SHLD1: variants seen among roughly 807,000 people sequenced by gnomAD.
SHLD1 encodes the protein shieldin complex subunit 1.
SHLD1 carries 3 observed loss-of-function variants against 5.5 expected under a neutral mutation model. The observed-to-expected ratio is 0.54, with a 90% CI of 0.25 to 1.40. SHLD1 has a LOEUF of 1.40. Among genes scored for constraint, SHLD1 ranks in the 40% most tolerant of loss-of-function variants. SHLD1 has a pLI of 0.15. For missense variants in SHLD1, 210 were observed against 244.4 expected (o/e 0.86, Z 0.94); for synonymous variants, 92 against 94.3 (o/e 0.98, Z 0.14).
chr20:5,794,725 G>A (rs1277724639), intron 2 of SHLD1, among the ~76,000 whole-genome samples: 1 of 152,162 alleles, frequency 6.6e-6, no homozygotes, highest in African/African-American at 2.4e-5. Context: ...AATCTGGGGT[G>A]TCTTTAAGCA....
intron 2 of SHLD1, among the ~76,000 whole-genome samples, chr20:5,786,474 C>T (rs1170810942): frequency 6.6e-6 from 1 of 152,082 alleles, no homozygotes; most frequent in African/African-American, 2.4e-5. Context: ...ACTTAGGAGG[C>T]TGAGGTGGGA....
rs1269429681 is a variant in SHLD1 at position 5,806,058 on chromosome 20, C to G, written c.178+33015C>G. ...TTTTAAATATTTTTTAGAGATGCGG[C>G]CTTGCTCTGTTGCCCAGGCTAGTTT... On this transcript the variant is annotated intron_variant, in intron 2 of 2. Coordinates refer to ENST00000303142, the MANE Select transcript of SHLD1 (RefSeq NM_152504.4). The surrounding 1 kb of genome is among the most constrained non-coding windows in gnomAD (Gnocchi z 7.6). Among the ~76,000 whole-genome samples, 1 of 152,054 alleles carries G rather than the reference C, an allele frequency of 6.6e-6. No homozygotes were observed. The highest frequency in any genetic ancestry group is 1.9e-4 in the East Asian group (1 of 5,188).
At chr20:5,829,745 A>C (rs1307785732) in intron 2 of SHLD1, among the ~76,000 whole-genome samples, 3 of 152,216 alleles carry the variant, frequency 2.0e-5, no homozygotes, top group Non-Finnish European at 4.4e-5. Context: ...GGTTTGTATG[A>C]ATAATTTGAT....
intron 2 of SHLD1, among the ~76,000 whole-genome samples, chr20:5,816,352 A>G (rs149534544): frequency 1.6e-4 from 24 of 152,344 alleles, no homozygotes; most frequent in Non-Finnish European, 3.1e-4. Context: ...CCCCTTCAGA[A>G]ATAGTAAAGT....
chr20:5,770,125 C>T (rs959667780), intron 1 of SHLD1, among the ~76,000 whole-genome samples: 4 of 151,954 alleles, frequency 2.6e-5, no homozygotes, highest in African/African-American at 9.7e-5. Context: ...GAAGGAGGAT[C>T]CTCTGCTTCA....
intron 1 of SHLD1, among the ~76,000 whole-genome samples, chr20:5,763,946 TAAAAAAAAAAAA>T (rs1233102331): frequency 2.8e-5 from 2 of 70,176 alleles, no homozygotes; most frequent in African/African-American, 1.2e-4. Flanking sequence ...CCGTCTTTAC[TAAAAAAAAAAAA>T]AAAAAAAAAA....
At chr20:5,856,748 T>A (rs528998071) in intron 2 of SHLD1, among the ~76,000 whole-genome samples, 121 of 152,248 alleles carry the variant, frequency 7.9e-4, no homozygotes, top group African/African-American at 2.6e-3. Flanking sequence ...TTAAAAAAAA[T>A]TTTCTTTTAA....
chr20:5,863,153 A>G lies in SHLD1; in HGVS notation c.308A>G (p.Tyr103Cys), dbSNP rs1368912927. Residue 103 changes from tyrosine (Y) to cysteine (C), a missense_variant, in exon 3 of 3, where the codon TAT becomes TGT. Physicochemically the swap from Tyr to Cys is radical, Grantham distance 194 (BLOSUM62 -2). Transcript: ENST00000303142. ...DGLRKSLDRF[Y>C]EMFGHPQPGS... ...CTTCGGAAATCCCTGGATAGATTCT[A>G]TGAAATGTTTGGTCATCCACAGCCA... The G allele has an allele frequency of 1.1e-5, 18 of 1,614,174 alleles. No individual in the cohort carries two copies. The highest frequency in any genetic ancestry group is 2.2e-5 in the East Asian group (1 of 44,884).
chr20:5,850,149 A>AATT (rs916789579), intron 2 of SHLD1, among the ~76,000 whole-genome samples: 1 of 146,054 alleles, frequency 6.8e-6, no homozygotes, highest in Non-Finnish European at 1.5e-5. Flanking sequence ...TAATAATAAT[A>AATT]ATTAACTGAG....
intron 1 of SHLD1, among the ~76,000 whole-genome samples, chr20:5,761,655 T>A (rs1343136527): frequency 6.7e-6 from 1 of 150,192 alleles, no homozygotes; most frequent in Non-Finnish European, 1.5e-5. Flanking sequence ...TCGCCCAGGC[T>A]GGAGTGCAGT....
At chr20:5,781,786 C>T (rs2086992717) in intron 2 of SHLD1, among the ~76,000 whole-genome samples, 1 of 152,192 alleles carries the variant, frequency 6.6e-6, no homozygotes, top group African/African-American at 2.4e-5. Context: ...GCCAATCTTA[C>T]ACTACTTCTT....
chr20:5,847,441 CCTT>C (rs2087945598), intron 2 of SHLD1, among the ~76,000 whole-genome samples: 1 of 152,150 alleles, frequency 6.6e-6, no homozygotes, highest in Non-Finnish European at 1.5e-5. Flanking sequence ...TTCACCCTCA[CCTT>C]CTTTTTATCG....
intron 2 of SHLD1, among the ~76,000 whole-genome samples, chr20:5,862,079 G>A (rs1157971025): frequency 6.6e-6 from 1 of 152,106 alleles, no homozygotes; most frequent in African/African-American, 2.4e-5. Flanking sequence ...TTCAGATTAG[G>A]ATTCTACCTA....
chr20:5,837,754 G>T (rs1401403025), intron 2 of SHLD1, among the ~76,000 whole-genome samples: 3 of 152,130 alleles, frequency 2.0e-5, no homozygotes, highest in African/African-American at 7.2e-5. Flanking sequence ...AACATAAATA[G>T]ATTAGTATCT....
intron 1 of SHLD1, among the ~76,000 whole-genome samples, chr20:5,767,430 G>T (rs182723439): frequency 6.6e-6 from 1 of 152,106 alleles, no homozygotes; most frequent in Non-Finnish European, 1.5e-5. Context: ...CAGCCACCGC[G>T]CCTGGCCTCT....
chr20:5,771,879 T>TTC (rs1985178620), intron 1 of SHLD1: 1 of 152,044 alleles, frequency 6.6e-6, no homozygotes, highest in Non-Finnish European at 1.4e-5. Context: ...TTTTTTTTTT[T>TTC]TTTTTTTTTT....
intron 2 of SHLD1, among the ~76,000 whole-genome samples, chr20:5,789,297 C>T (rs552012190): frequency 6.7e-6 from 1 of 150,238 alleles, no homozygotes; most frequent in East Asian, 2.0e-4. Flanking sequence ...GGGTAATTGG[C>T]CAGGTGCAGT....
intron 2 of SHLD1, among the ~76,000 whole-genome samples, chr20:5,790,614 G>A (rs976911796): frequency 2.0e-5 from 3 of 151,714 alleles, no homozygotes; most frequent in African/African-American, 2.4e-5. Context: ...CTCCATGCCC[G>A]GCTATTTTTT....
intron 2 of SHLD1, among the ~76,000 whole-genome samples, chr20:5,785,759 G>A (rs2087051035): frequency 7.0e-6 from 1 of 143,480 alleles, no homozygotes; most frequent in South Asian, 2.2e-4. Flanking sequence ...CTGTGCCACT[G>A]CACTCCAGCC....
Sources: gnomAD v4.1 joint callset for allele counts (sites outside exome capture counted in the v4.1 genomes callset) on GRCh38, gnomAD v4.1.1 for gene constraint, Gnocchi (gnomAD v3.1) non-coding constraint, MANE v1.5 for transcripts, NCBI Gene and HGNC (gene_info 2026-07-23, HGNC 2026-07-21) for gene names.